Variants in STK3 observed in about 807,000 individuals in gnomAD.
STK3 encodes the protein serine/threonine kinase 3, also known as serine/threonine-protein kinase 3.
In STK3, 41 loss-of-function variants were observed where a neutral mutation model predicts 58.0. That is an observed-to-expected ratio of 0.71 (90% confidence interval 0.55 to 0.92). The LOEUF is 0.92. Ranked by LOEUF, STK3 falls within the 40% of genes least tolerant of loss-of-function variation. The pLI, the probability that STK3 is intolerant of heterozygous loss-of-function variation, is 0.00. For missense variants in STK3, 479 were observed against 602.7 expected (o/e 0.79, Z 2.15); for synonymous variants, 170 against 191.0 (o/e 0.89, Z 0.91).
At chr8:98,786,108 C>T (rs1832449529) in intron 1 of STK3, among the ~76,000 whole-genome samples, 1 of 152,058 alleles carries the variant, frequency 6.6e-6, no homozygotes, top group Non-Finnish European at 1.5e-5. Context: ...AAAATCAATA[C>T]TAAAAAACTT....
At chr8:98,461,385 G>A (rs1340051440) in intron 10 of STK3, among the ~76,000 whole-genome samples, 1 of 152,050 alleles carries the variant, frequency 6.6e-6, no homozygotes, top group Non-Finnish European at 1.5e-5. Flanking sequence ...TTATGTGTTG[G>A]GTAAGTCTCT....
At chr8:98,464,650 C>T (rs1820324123) in intron 10 of STK3, among the ~76,000 whole-genome samples, 1 of 147,830 alleles carries the variant, frequency 6.8e-6, no homozygotes, top group African/African-American at 2.5e-5. Flanking sequence ...GAGAAGCATA[C>T]AAAAAAGGAG....
the STK3 span, among the ~76,000 whole-genome samples, chr8:98,346,267 A>G: frequency 2.0e-5 from 3 of 147,008 alleles, no homozygotes; most frequent in Non-Finnish European, 3.0e-5. Flanking sequence ...CCTGGGTGAC[A>G]GAGCAAGACT....
At chr8:98,787,693 G>T (rs1832558385) in intron 1 of STK3, among the ~76,000 whole-genome samples, 1 of 152,122 alleles carries the variant, frequency 6.6e-6, no homozygotes, top group African/African-American at 2.4e-5. Flanking sequence ...AAAGCACCAG[G>T]TAACCTTTAA....
At chr8:98,624,309 G>C (rs999637564) in intron 6 of STK3, among the ~76,000 whole-genome samples, 1 of 152,190 alleles carries the variant, frequency 6.6e-6, no homozygotes, top group African/African-American at 2.4e-5. Context: ...TGATAACCTA[G>C]CTCTATCAGT....
At chr8:98,474,293 AATT>A (rs1821145149) in intron 10 of STK3, among the ~76,000 whole-genome samples, 1 of 152,172 alleles carries the variant, frequency 6.6e-6, no homozygotes, top group African/African-American at 2.4e-5. Flanking sequence ...CAGCAGCCAG[AATT>A]ATTGTTTAAA....
chr8:98,353,590 A>C, the STK3 span, among the ~76,000 whole-genome samples: 1 of 152,236 alleles, frequency 6.6e-6, no homozygotes, highest in Non-Finnish European at 1.5e-5. Flanking sequence ...GTATATGCAA[A>C]TATTTCAAAA....
At chr8:98,575,907 G>A (rs1386591671) in intron 8 of STK3, among the ~76,000 whole-genome samples, 2 of 152,094 alleles carry the variant, frequency 1.3e-5, no homozygotes, top group African/African-American at 2.4e-5. Flanking sequence ...ATGAAGTTCA[G>A]TTTATCTTTT....
chr8:98,508,764 T>C lies in STK3; in HGVS notation c.1317+17978A>G, dbSNP rs568689124. Reference sequence around the variant, plus strand: ...GAAAACAAATTTAAAATAAAGTTCTTAACAATTTAGGACTAACAATTACTA... The same window carrying C: ...GAAAACAAATTTAAAATAAAGTTCTCAACAATTTAGGACTAACAATTACTA... On this transcript the variant is annotated intron_variant, in intron 10 of 10. Coordinates refer to ENST00000419617, the MANE Select transcript of STK3 (RefSeq NM_006281.4). Among the ~76,000 whole-genome samples the C allele has an allele frequency of 2.0e-5, 3 of 152,274 alleles. No homozygotes were observed. In the South Asian group the frequency reaches 6.2e-4, roughly 32 times the overall value.
intron 1 of STK3, chr8:98,906,205 A>T (rs2131967639): frequency 6.5e-6 from 1 of 152,814 alleles, no homozygotes; most frequent in East Asian, 1.9e-4. Context: ...AAGGATAGGT[A>T]AAAACAGGGC....
chr8:98,708,155 T>C (rs78064284), intron 4 of STK3, among the ~76,000 whole-genome samples: 1 of 151,496 alleles, frequency 6.6e-6, no homozygotes, highest in African/African-American at 2.4e-5. Context: ...AAAAAAAAAT[T>C]ATCAGTATCA....
intron 6 of STK3, among the ~76,000 whole-genome samples, chr8:98,599,974 G>GA (rs1265952342): frequency 4.6e-5 from 7 of 151,004 alleles, no homozygotes; most frequent in African/African-American, 7.3e-5. Context: ...ATCTAAAAAA[G>GA]AAAAAAAATG....
intron 4 of STK3, among the ~76,000 whole-genome samples, chr8:98,729,867 T>C (rs1828047470): frequency 6.6e-6 from 1 of 152,220 alleles, no homozygotes; most frequent in Non-Finnish European, 1.5e-5. Flanking sequence ...CCACATTTCA[T>C]GTTCTCAGCT....
At chr8:98,357,272 C>G in the STK3 span, among the ~76,000 whole-genome samples, 2 of 152,032 alleles carry the variant, frequency 1.3e-5, no homozygotes, top group African/African-American at 4.8e-5. Context: ...TGGAAATGAC[C>G]CAGGGTTTAC....
the STK3 span, among the ~76,000 whole-genome samples, chr8:98,345,189 A>G: frequency 1.3e-5 from 2 of 152,034 alleles, no homozygotes; most frequent in African/African-American, 4.8e-5. Flanking sequence ...TTTGAGATCT[A>G]TGTATGCTTA....
intron 8 of STK3, among the ~76,000 whole-genome samples, chr8:98,549,073 C>A (rs1221465014): frequency 6.6e-6 from 1 of 152,164 alleles, no homozygotes; most frequent in South Asian, 2.1e-4. Context: ...TGAACACTGA[C>A]CTACAAGTAT....
Position 98,581,483 on chromosome 8 carries a change from C to T in STK3, c.823-1694G>A, listed in dbSNP as rs1027678489. ...TTAGCATGACAGCCTTCTCTGACAC[C>T]GCCTGAGAAGGACTGGACAGCCTCA... On this transcript the variant is annotated intron_variant, in intron 7 of 10. Coordinates refer to ENST00000419617, the MANE Select transcript of STK3 (RefSeq NM_006281.4). Among the ~76,000 whole-genome samples, 45 of 151,758 alleles carry T rather than the reference C, an allele frequency of 3.0e-4. 1 individual carries two copies. Among genetic ancestry groups the T allele is most frequent in the African/African-American group, 1.1e-3 (44 of 41,300 alleles).
chr8:98,818,635 T>C (rs969830665), intron 1 of STK3, among the ~76,000 whole-genome samples: 8 of 152,122 alleles, frequency 5.3e-5, no homozygotes, highest in African/African-American at 1.7e-4. Context: ...AGATGTCTGG[T>C]ATTATATAAA....
chr8:98,856,728 C>T (rs1836699660), intron 3 of STK3, among the ~76,000 whole-genome samples: 1 of 152,212 alleles, frequency 6.6e-6, no homozygotes, highest in Non-Finnish European at 1.5e-5. Context: ...GAAATAAAAA[C>T]ATCTGTCCAC....
Sources: allele counts gnomAD v4.1 joint callset (sites outside exome capture counted in the v4.1 genomes callset), GRCh38; gene constraint gnomAD v4.1.1; transcripts MANE v1.5; gene names NCBI Gene and HGNC (gene_info 2026-07-23, HGNC 2026-07-21).